The following CCDC126 variants were observed in gnomAD, a reference collection of about 807,000 sequenced individuals.
CCDC126 encodes coiled-coil domain-containing protein 126.
In CCDC126, 5 loss-of-function variants were observed where a neutral mutation model predicts 11.7. The ratio of observed to expected loss-of-function variants is 0.43; its 90% CI spans 0.22 to 0.90. The LOEUF (loss-of-function observed/expected upper bound fraction) is 0.90. Ranked by LOEUF, CCDC126 falls within the 40% of genes least tolerant of loss-of-function variation. The probability of loss-of-function intolerance (pLI) is 0.27; values close to 1 mark genes in which losing one functional copy is unlikely to be tolerated. For synonymous variants in CCDC126, 60 were observed against 61.9 expected, an observed-to-expected ratio of 0.97 and a Z score of 0.14; for missense variants, 150 against 163.1, an observed-to-expected ratio of 0.92 and a Z score of 0.44.
chr7:23,600,111 G>C (rs565624755), intron 2 of CCDC126, among the ~76,000 whole-genome samples: 1 of 152,250 alleles, frequency 6.6e-6, no homozygotes, highest in South Asian at 2.1e-4. Flanking sequence ...TTTTACTGTA[G>C]CATAATGGTT....
At chr7:23,602,783 C>T (rs2128013932) in intron 2 of CCDC126, among the ~76,000 whole-genome samples, 1 of 152,194 alleles carries the variant, frequency 6.6e-6, no homozygotes. Flanking sequence ...TGTTCCAAGA[C>T]ACATCACCAT....
chr7:23,600,478 G>T (rs146642729), intron 2 of CCDC126, among the ~76,000 whole-genome samples: 137 of 149,028 alleles, frequency 9.2e-4, no homozygotes, highest in South Asian at 1.9e-3. Context: ...GGTCAAGTCT[G>T]TGGAGGACTT....
intron 3 of CCDC126, among the ~76,000 whole-genome samples, chr7:23,625,991 A>C (rs1421091720): frequency 6.7e-6 from 1 of 148,694 alleles, no homozygotes; most frequent in Non-Finnish European, 1.5e-5. Context: ...TAATGCTGTC[A>C]TGTGTTACAG....
In CCDC126 at chr7:23,598,063, C is replaced by T. The variant is rs1456225786; in HGVS notation, c.-146+12C>T. The T allele has an allele frequency of 6.6e-6, 1 of 152,280 alleles. No homozygotes were observed. The highest frequency in any genetic ancestry group is 1.5e-5 in the Non-Finnish European group (1 of 68,074). The allele number at this position is 152,280 out of a possible 1,614,324, so 9.4% of individuals were successfully genotyped here. The stretch of plus-strand genomic sequence containing the variant: ...CTCCTGGGTGACTGGTAAGGATGAA[C>T]TTAAACTGCCGTGTTGATTGTTGAC... On this transcript the variant is annotated intron_variant, in intron 2 of 3. Coordinates refer to ENST00000307471, the MANE Select transcript of CCDC126 (RefSeq NM_138771.4).
chr7:23,600,233 A>G (rs1478349995), intron 2 of CCDC126, among the ~76,000 whole-genome samples: 2 of 152,026 alleles, frequency 1.3e-5, no homozygotes, highest in African/African-American at 4.8e-5. Context: ...CTGTCTCCCA[A>G]ATGTGCCATC....
chr7:23,641,204 G>C (rs561413562), intron 3 of CCDC126, among the ~76,000 whole-genome samples: 1 of 151,992 alleles, frequency 6.6e-6, no homozygotes, highest in South Asian at 2.1e-4. Context: ...AGCTATCCTA[G>C]TAAGTGTGAA....
At chr7:23,636,389 C>T (rs1391793812) in intron 3 of CCDC126, among the ~76,000 whole-genome samples, 10 of 149,698 alleles carry the variant, frequency 6.7e-5, no homozygotes, top group African/African-American at 1.7e-4. Flanking sequence ...CGTCTCTGCC[C>T]GGCCGCCATC....
rs968790450 is a variant in CCDC126, at chr7:23,643,399, T to C, written c.*284T>C. 10 of 275,074 alleles carry C rather than the reference T, an allele frequency of 3.6e-5. No individual in the cohort carries two copies. The highest frequency in any genetic ancestry group is 6.1e-5 in the Non-Finnish European group (9 of 148,724). The allele number at this position is 275,074 out of a possible 1,614,324, so 17.0% of individuals were successfully genotyped here. Reference sequence around the variant, plus strand: ...GATAGGTGAGTTTTGTATAAATCTTTTGTGTTTGAGATCAAGCTGAAATGA... The same window carrying C: ...GATAGGTGAGTTTTGTATAAATCTTCTGTGTTTGAGATCAAGCTGAAATGA... On this transcript the variant is annotated 3_prime_UTR_variant, in exon 4 of 4. Transcript: ENST00000307471.
chr7:23,642,161 G>A (rs1317749890), intron 3 of CCDC126, among the ~76,000 whole-genome samples: 1 of 152,100 alleles, frequency 6.6e-6, no homozygotes, highest in African/African-American at 2.4e-5. Context: ...ACGGGCGCAT[G>A]CCACCAGGCC....
intron 3 of CCDC126, among the ~76,000 whole-genome samples, chr7:23,618,538 A>ATTTTTTTTTT (rs5741645): frequency 8.4e-6 from 1 of 119,618 alleles, no homozygotes; most frequent in Non-Finnish European, 1.7e-5. Context: ...GATCAGCTAA[A>ATTTTTTTTTT]TTTTTTTTTT....
At chr7:23,629,951 CAG>C (rs1364281881) in intron 3 of CCDC126, among the ~76,000 whole-genome samples, 1 of 152,136 alleles carries the variant, frequency 6.6e-6, no homozygotes, top group Non-Finnish European at 1.5e-5. Flanking sequence ...TGGCAAAAGA[CAG>C]AGTCCTCAGA....
chr7:23,643,154 A>C lies in CCDC126; in HGVS notation c.*39A>C. 6.4e-7 allele frequency: 1 copy of C among 1,558,702 alleles called. No homozygotes were observed. The highest frequency in any genetic ancestry group is 8.8e-7 in the Non-Finnish European group (1 of 1,139,862). ...CCTTGTGCTGCTCCATCCACTGTGG[A>C]TTATATCCTATGGCAGAAAAGCTTT... On this transcript the variant is annotated 3_prime_UTR_variant, in exon 4 of 4. Transcript: ENST00000307471.
rs971969123 is a variant in CCDC126, at chr7:23,642,672, A to G, written c.239-259A>G. Among the ~76,000 whole-genome samples, 4 of 151,840 alleles carry G rather than the reference A, an allele frequency of 2.6e-5. No individual in the cohort carries two copies. In the East Asian group the frequency reaches 7.8e-4, roughly 29 times the overall value. Reference sequence around the variant, plus strand: ...CAGCTAATCAGGAGGCTGAGGCACGAGAATCGCTGGAACCCAGGAGGTGGA... The same window carrying G: ...CAGCTAATCAGGAGGCTGAGGCACGGGAATCGCTGGAACCCAGGAGGTGGA... On this transcript the variant is annotated intron_variant, in intron 3 of 3. Transcript: ENST00000307471.
At chr7:23,612,728 A>G (rs1014548576) in intron 3 of CCDC126, among the ~76,000 whole-genome samples, 41 of 152,060 alleles carry the variant, frequency 2.7e-4, no homozygotes, top group African/African-American at 9.9e-4. Flanking sequence ...CCATTATCAC[A>G]CCTAGTTTAT....
Position 23,611,422 on chromosome 7 carries a change from A to C in CCDC126, c.107A>C (p.Gln36Pro). The C allele has an allele frequency of 6.2e-7, 1 of 1,613,956 alleles. No individual in the cohort carries two copies. Among genetic ancestry groups the C allele is most frequent in the Non-Finnish European group, 8.5e-7 (1 of 1,179,880 alleles). ...ATGTTACTGCACTATACTTTTCAAC[A>C]ACCAAGACATCAAAGCAGTGTCAAG... ...GLMLLHYTFQQPRHQSSVKLR... is the reference protein window; with the variant it reads ...GLMLLHYTFQPPRHQSSVKLR... Residue 36 changes from glutamine (Q) to proline (P), a missense_variant, in exon 3 of 4, where the codon CAA becomes CCA. Physicochemically the swap from Gln to Pro is moderately conservative, Grantham distance 76. Transcript: ENST00000307471.
intron 2 of CCDC126, among the ~76,000 whole-genome samples, chr7:23,609,394 C>T (rs1208445948): frequency 6.6e-6 from 1 of 152,124 alleles, no homozygotes; most frequent in Non-Finnish European, 1.5e-5. Flanking sequence ...TTTTGGTGAA[C>T]TCCTGACCTC....
chr7:23,633,900 C>T (rs1330789057), intron 3 of CCDC126, among the ~76,000 whole-genome samples: 2 of 152,078 alleles, frequency 1.3e-5, no homozygotes, highest in East Asian at 3.9e-4. Flanking sequence ...TCTAAATTTT[C>T]TTGCTTGCAC....
chr7:23,616,440 TC>T (rs1782796946), intron 3 of CCDC126, among the ~76,000 whole-genome samples: 1 of 152,248 alleles, frequency 6.6e-6, no homozygotes, highest in East Asian at 1.9e-4. Context: ...GAACAGATCT[TC>T]TGGTAGGTTC....
chr7:23,600,374 ACCC>A (rs35190673), intron 2 of CCDC126, among the ~76,000 whole-genome samples: 1,175 of 80,624 alleles, frequency 0.015, 61 homozygotes, highest in African/African-American at 0.052. Flanking sequence ...TTCTGTGTTA[ACCC>A]CCCCCCCCCC....
Sources: gnomAD v4.1 joint callset for allele counts (sites outside exome capture counted in the v4.1 genomes callset) on GRCh38, gnomAD v4.1.1 for gene constraint, MANE v1.5 for transcripts, NCBI Gene and HGNC (gene_info 2026-07-23, HGNC 2026-07-21) for gene names.